EIF2B4: variants seen among roughly 807,000 people sequenced by gnomAD.
EIF2B4 encodes eukaryotic translation initiation factor 2B subunit delta, also known as translation initiation factor eIF2B subunit delta.
EIF2B4 carries 34 observed loss-of-function variants against 66.7 expected under a neutral mutation model. The ratio of observed to expected loss-of-function variants is 0.51; its 90% confidence interval spans 0.39 to 0.68. The LOEUF (loss-of-function observed/expected upper bound fraction) is 0.68, where lower values mean the gene tolerates loss of function less well. EIF2B4 is among the 30% of genes least tolerant of loss of function. The pLI is 0.00. For synonymous variants in EIF2B4, 278 were observed against 253.6 expected (o/e 1.10, Z -0.92); for missense variants, 618 against 657.9 (o/e 0.94, Z 0.66).
intron 9 of EIF2B4, 77 bp downstream of exon 9, chr2:27,367,380 G>A (rs1681937912): frequency 6.3e-7 from 1 of 1,596,820 alleles, no homozygotes; most frequent in Admixed American, 1.7e-5. Context: ...GCTTACGTTG[G>A]CCTTCCCGGG....
intron 4 of EIF2B4, 128 bp from the exon 5 acceptor site, chr2:27,368,861 A>G (rs1194574926): frequency 7.1e-7 from 1 of 1,416,640 alleles, no homozygotes; most frequent in Non-Finnish European, 9.9e-7. Flanking sequence ...GTAGAAAAGG[A>G]AATAGGGATA....
chr2:27,369,601 C>T (rs370756997), intron 2 of EIF2B4, 52 bp from the exon 3 acceptor site: 10 of 1,612,298 alleles, frequency 6.2e-6, no homozygotes, highest in Middle Eastern at 3.3e-4. Context: ...CAAAGGGGAA[C>T]AAATACTATT....
chr2:27,368,290 T>A, intron 6 of EIF2B4, 82 bp downstream of exon 6: 1 of 1,407,518 alleles, frequency 7.1e-7, no homozygotes, highest in Non-Finnish European at 1.0e-6. Flanking sequence ...ACAGAGTCCA[T>A]CTCAGATTAC....
intron 11 of EIF2B4, chr2:27,366,502 T>C (rs1457680851): frequency 5.8e-6 from 3 of 518,076 alleles, no homozygotes; most frequent in Non-Finnish European, 1.0e-5. Flanking sequence ...AATGTAGCGA[T>C]ATCCCATCTC....
chr2:27,366,476 G>A lies in EIF2B4; in HGVS notation c.1191+283C>T, dbSNP rs941508637. 8.9e-6 allele frequency: 4 copies of A among 448,126 alleles called. No individual in the cohort carries two copies. The Admixed American group carries it at 1.0e-4, about 11-fold the overall frequency. The allele number at this position is 448,126 out of a possible 1,614,324, so 27.8% of individuals were successfully genotyped here. A position where few individuals can be genotyped will look rare whatever the true frequency, so the allele number is the denominator to read the frequency against. ...GACAGGGGGAACTGCTTGAGCCCAG[G>A]AGTTCCAGCCTGGGCAATGTAGCGA... On this transcript the variant is annotated intron_variant, in intron 11 of 12. Transcript: ENST00000347454.
Position 27,367,449 on chromosome 2 carries a change from C to G in EIF2B4, c.885+8G>C, listed in dbSNP as rs375252124. On this transcript the variant is annotated splice_region_variant and intron_variant, in intron 9 of 12. Transcript: ENST00000347454. ...GTGCATGCCTTCCTTATTTCTCATACTCATCACCTCCTCTTCCCGCTTGGA... is the reference window on the plus strand; with the variant it reads ...GTGCATGCCTTCCTTATTTCTCATAGTCATCACCTCCTCTTCCCGCTTGGA... The G allele has an allele frequency of 5.5e-5, 88 of 1,613,946 alleles. No homozygotes were observed. The highest frequency in any genetic ancestry group is 7.1e-5 in the Non-Finnish European group (84 of 1,180,000).
At chr2:27,365,660 G>C (rs977677010) in intron 11 of EIF2B4, 1 of 152,232 alleles carries the variant, frequency 6.6e-6, no homozygotes, top group Non-Finnish European at 1.5e-5. Flanking sequence ...ACAGGCTTGA[G>C]CCACTGTGCC....
At position 27,369,896 on chromosome 2, in the gene EIF2B4, C is replaced by T; in HGVS notation, c.55G>A (p.Glu19Lys). The T allele has an allele frequency of 6.3e-7, 1 of 1,584,830 alleles. No homozygotes were observed. Among genetic ancestry groups the T allele is most frequent in the Non-Finnish European group, 8.6e-7 (1 of 1,166,026 alleles). The change falls in exon 2 of 13, where the codon GAG (glutamate) becomes AAG (lysine). Residue 19 changes from glutamate to lysine, a missense_variant. Glu to Lys is a moderately conservative substitution (Grantham distance 56). Coordinates refer to ENST00000347454, the MANE Select transcript of EIF2B4 (RefSeq NM_001034116.2). ...CTTACCCCAGGCCCAGGGGGAAGCTCCGCCTTCATCCCGGATCCCGAGTCT... is the reference window on the plus strand; with the variant it reads ...CTTACCCCAGGCCCAGGGGGAAGCTTCGCCTTCATCCCGGATCCCGAGTCT... ...REDSGSGMKAELPPGPGAVGR... is the reference protein window; with the variant it reads ...REDSGSGMKAKLPPGPGAVGR...
rs767850637 is a variant in EIF2B4, at chr2:27,367,473, GA to G, written c.868del (p.Ser290ProfsTer25). On this transcript the variant is annotated frameshift_variant, in exon 9 of 13. Coordinates refer to ENST00000347454, the MANE Select transcript of EIF2B4 (RefSeq NM_001034116.2). LOFTEE classifies it high-confidence loss of function. ...LNKEITSVGS[S>X]KREEEAKSEL... is the part of the protein sequence containing the mutation. Reference sequence around the variant, plus strand: ...ACTCATCACCTCCTCTTCCCGCTTGGAACTGCCCACACTGGTGATTTCCTTG... The same window carrying G: ...ACTCATCACCTCCTCTTCCCGCTTGGACTGCCCACACTGGTGATTTCCTTG... 8 of 1,614,076 alleles carry G rather than the reference GA, an allele frequency of 5.0e-6. No individual in the cohort carries two copies. The highest frequency in any genetic ancestry group is 1.3e-5 in the African/African-American group (1 of 75,012).
Position 27,369,037 on chromosome 2 carries a change from G to C in EIF2B4, c.387C>G (p.Ala129=), listed in dbSNP as rs1176041337. The stretch of plus-strand genomic sequence containing the variant: ...GGGTTTCTCCAGCTGTGCTGGGGCT[G>C]GCCTTAGGAGGTGGTCCTCCTTGTT... ...KGEQGGPPPK[A]SPSTAGETPS... is the part of the protein sequence containing the mutation. The change falls in exon 4 of 13, where the codon GCC becomes GCG. Residue 129 remains alanine, a synonymous_variant. Transcript: ENST00000347454. The C allele has an allele frequency of 3.7e-6, 6 of 1,614,144 alleles. No individual in the cohort carries two copies. In the Admixed American group the frequency reaches 1.0e-4, roughly 27 times the overall value.
chr2:27,369,900 C>G lies in EIF2B4; in HGVS notation c.51G>C (p.Lys17Asn), dbSNP rs190259653. Residue 17 changes from lysine to asparagine, a missense_variant, in exon 2 of 13, where the codon AAG becomes AAC. Lys to Asn is a moderately conservative substitution (Grantham distance 94). Coordinates refer to ENST00000347454, the MANE Select transcript of EIF2B4 (RefSeq NM_001034116.2). ...AVREDSGSGM[K>N]AELPPGPGAV... ...CCCCAGGCCCAGGGGGAAGCTCCGC[C>G]TTCATCCCGGATCCCGAGTCTGCAT... is the stretch of plus-strand genomic sequence containing the variant. 3.3e-4 allele frequency: 521 copies of G among 1,585,232 alleles called. 1 individual carries two copies. The highest frequency in any genetic ancestry group is 2.3e-5 in the Non-Finnish European group (27 of 1,166,238).
chr2:27,367,817 A>G lies in EIF2B4; in HGVS notation c.711T>C (p.Ile237=), dbSNP rs1180824880. 6.2e-7 allele frequency: 1 copy of G among 1,613,850 alleles called. No individual in the cohort carries two copies. Among genetic ancestry groups the G allele is most frequent in the Non-Finnish European group, 8.5e-7 (1 of 1,179,858 alleles). Residue 237 remains isoleucine (I), a synonymous_variant, in exon 8 of 13, where the codon ATT becomes ATC. Coordinates refer to ENST00000347454, the MANE Select transcript of EIF2B4 (RefSeq NM_001034116.2). ...IALLRALQQV[I]QDYTTPPNEE... ...CATTAGGCGGTGTTGTGTAATCCTG[A>G]ATCACCTATAGGGTACACAAGGTGA...
At chr2:27,369,617 C>T (rs1281164293) in intron 2 of EIF2B4, 68 bp from the exon 3 acceptor site, 27 of 1,609,840 alleles carry the variant, frequency 1.7e-5, no homozygotes, top group Non-Finnish European at 2.3e-5. Context: ...CTATTGGATG[C>T]TTACAAGATT....
intron 4 of EIF2B4, 84 bp downstream of exon 4, chr2:27,368,922 A>AG: frequency 1.3e-6 from 2 of 1,547,166 alleles, no homozygotes; most frequent in South Asian, 2.2e-5. Context: ...CAAGAATGAG[A>AG]GGGGAGAGCT....
chr2:27,369,988 G>A (rs1276579276), intron 1 of EIF2B4, 69 bp from the exon 2 acceptor site: 3 of 1,539,198 alleles, frequency 1.9e-6, no homozygotes, highest in African/African-American at 1.4e-5. Flanking sequence ...ACGAGTACTC[G>A]GCGCAGCCGG....
chr2:27,370,123 G>T (rs1190393796), intron 1 of EIF2B4, 161 bp downstream of exon 1: 1 of 1,521,870 alleles, frequency 6.6e-7, no homozygotes, highest in Non-Finnish European at 8.8e-7. Context: ...ACAGCAACCA[G>T]CCGGTGCGCG....
chr2:27,366,575 A>T, intron 11 of EIF2B4, 184 bp downstream of exon 11: 1 of 697,034 alleles, frequency 1.4e-6, no homozygotes. Flanking sequence ...AGCTACTCAG[A>T]GGCGGAGGTG....
chr2:27,369,814 A>C, intron 2 of EIF2B4, 62 bp downstream of exon 2: 8 of 1,526,786 alleles, frequency 5.2e-6, no homozygotes, highest in Non-Finnish European at 7.1e-6. Context: ...GGGGCGGAAT[A>C]AAGCTGGCAC....
chr2:27,368,723 A>G lies in EIF2B4; in HGVS notation c.429T>C (p.Arg143=), dbSNP rs149121402. Residue 143 remains arginine, a synonymous_variant, in exon 5 of 13, where the codon CGT becomes CGC. Coordinates refer to ENST00000347454, the MANE Select transcript of EIF2B4 (RefSeq NM_001034116.2). ...TAGETPSGVK[R]LPEYPQVDDL... is the part of the protein sequence containing the mutation. ...CATCAACCTGAGGGTACTCAGGGAGACGCTTCACTCCTGAAAGATAATCAT... is the reference window on the plus strand; with the variant it reads ...CATCAACCTGAGGGTACTCAGGGAGGCGCTTCACTCCTGAAAGATAATCAT... 296 of 1,614,080 alleles carry G rather than the reference A, an allele frequency of 1.8e-4. 1 individual carries two copies. In the African/African-American group the frequency reaches 3.2e-3, roughly 17 times the overall value.
Sources: gnomAD v4.1 joint callset for allele counts on GRCh38, gnomAD v4.1.1 for gene constraint, MANE v1.5 for transcripts, NCBI Gene and HGNC (gene_info 2026-07-23, HGNC 2026-07-21) for gene names.